The following PDE5A variants were observed in gnomAD, a reference collection of about 807,000 sequenced individuals.
PDE5A encodes phosphodiesterase 5A, also known as cGMP-specific 3',5'-cyclic phosphodiesterase.
PDE5A carries 67 observed loss-of-function variants against 110.2 expected under a neutral mutation model. The ratio of observed to expected loss-of-function variants is 0.61; its 90% CI spans 0.50 to 0.75. The LOEUF is 0.75. Ranked by LOEUF, PDE5A falls within the 30% of genes least tolerant of loss-of-function variation. PDE5A has a pLI of 0.00. For synonymous variants in PDE5A, 328 were observed against 351.2 expected, an observed-to-expected ratio of 0.93 and a Z score of 0.74; for missense variants, 862 against 1,045.1, an observed-to-expected ratio of 0.82 and a Z score of 2.42.
chr4:119,504,459 G>A, intron 18 of PDE5A, 77 bp downstream of exon 18: 1 of 1,063,482 alleles, frequency 9.4e-7, no homozygotes. Flanking sequence ...TCTTTAGGTA[G>A]ATACCTAGTA....
intron 14 of PDE5A, among the ~76,000 whole-genome samples, chr4:119,513,591 T>C (rs1725819273): frequency 6.6e-6 from 1 of 152,144 alleles, no homozygotes; most frequent in East Asian, 1.9e-4. Context: ...TCTTTTTGCT[T>C]TCTAGACAAT....
chr4:119,510,204 C>T (rs1381848012), intron 15 of PDE5A, among the ~76,000 whole-genome samples: 2 of 151,964 alleles, frequency 1.3e-5, no homozygotes, highest in Non-Finnish European at 2.9e-5. Flanking sequence ...GAACTCTATA[C>T]TATATGTTGG....
Position 119,562,845 on chromosome 4 carries a change from A to G in PDE5A, c.1119T>C (p.Asp373=), listed in dbSNP as rs934565840. Residue 373 remains aspartate, a synonymous_variant, in exon 6 of 21, where the codon GAT becomes GAC. Coordinates refer to ENST00000354960, the MANE Select transcript of PDE5A (RefSeq NM_001083.4). ...ACTCTGTACTCACGGAGCAATCTTC[A>G]TCCACTATGAAAATGGTGCATTTCT... ...QVQKCTIFIV[D]EDCSDSFSSV... is the part of the protein sequence containing the mutation. 5.1e-6 allele frequency: 8 copies of G among 1,574,564 alleles called. No individual in the cohort carries two copies. In the Admixed American group the frequency reaches 6.0e-5, roughly 12 times the overall value.
intron 1 of PDE5A, among the ~76,000 whole-genome samples, chr4:119,608,932 C>T (rs1237514483): frequency 7.9e-5 from 12 of 151,928 alleles, no homozygotes; most frequent in Admixed American, 2.0e-4. Flanking sequence ...GAGGCCGAGG[C>T]GGGCGGATCA....
intron 7 of PDE5A, among the ~76,000 whole-genome samples, chr4:119,556,770 G>GA (rs780180663): frequency 1.3e-5 from 2 of 151,986 alleles, no homozygotes; most frequent in East Asian, 1.9e-4. Flanking sequence ...TTCCAGGCAG[G>GA]AAAAAACAAA....
chr4:119,538,696 A>G, intron 11 of PDE5A: 2 of 362,202 alleles, frequency 5.5e-6, no homozygotes, highest in Non-Finnish European at 1.0e-5. Flanking sequence ...AGGAACTAAA[A>G]GAAAAGTAAA....
In PDE5A at chr4:119,502,624, T is replaced by C. The variant is rs752659273; in HGVS notation, c.2363A>G (p.Asp788Gly). Reference sequence around the variant, plus strand: ...TTCTTTTCTCTCTCTGTCTCCTTGATCAAAAAATTCAGTTGCTACAAGTTC... The same window carrying C: ...TTCTTTTCTCTCTCTGTCTCCTTGACCAAAAAATTCAGTTGCTACAAGTTC... ...IAELVATEFF[D>G]QGDRERKELN... The change falls in exon 19 of 21, where the codon GAT (aspartate) becomes GGT (glycine). Residue 788 changes from aspartate to glycine, a missense_variant. By Grantham distance (94) the Asp-to-Gly change is moderately conservative. Transcript: ENST00000354960. 19 of 1,607,806 alleles carry C rather than the reference T, an allele frequency of 1.2e-5. No individual in the cohort carries two copies. In the African/African-American group the frequency reaches 2.1e-4, roughly 18 times the overall value.
At chr4:119,578,727 T>C (rs963167194) in intron 3 of PDE5A, among the ~76,000 whole-genome samples, 84 of 152,218 alleles carry the variant, frequency 5.5e-4, no homozygotes, top group African/African-American at 2.0e-3. Flanking sequence ...CCTAAAACCA[T>C]AAAAACCCTA....
chr4:119,570,967 G>A (rs1490263764), intron 3 of PDE5A, among the ~76,000 whole-genome samples: 1 of 152,076 alleles, frequency 6.6e-6, no homozygotes, highest in East Asian at 1.9e-4. Context: ...TATTCATTCT[G>A]CCATAAATAC....
intron 3 of PDE5A, among the ~76,000 whole-genome samples, chr4:119,584,724 T>G (rs1261143390): frequency 6.6e-6 from 1 of 152,212 alleles, no homozygotes; most frequent in East Asian, 1.9e-4. Context: ...AAGGCTCTGC[T>G]TGATCTTGCC....
Position 119,552,534 on chromosome 4 carries a change from A to T in PDE5A, c.1396+16T>A. On this transcript the variant is annotated intron_variant, in intron 9 of 20. Coordinates refer to ENST00000354960, the MANE Select transcript of PDE5A (RefSeq NM_001083.4). ...TAAAAATAAGTTTAGAGTATAGGTTAAAGGAAAGGTTTTACCTATAACTTT... is the reference window on the plus strand; with the variant it reads ...TAAAAATAAGTTTAGAGTATAGGTTTAAGGAAAGGTTTTACCTATAACTTT... 8.7e-7 allele frequency: 1 copy of T among 1,150,134 alleles called. No homozygotes were observed. Among genetic ancestry groups the T allele is most frequent in the Non-Finnish European group, 1.2e-6 (1 of 830,840 alleles). The allele number at this position is 1,150,134 out of a possible 1,614,324, so 71.2% of individuals were successfully genotyped here. A position where few individuals can be genotyped will look rare whatever the true frequency, so the allele number is the denominator to read the frequency against.
chr4:119,554,256 T>A (rs1182609095), intron 7 of PDE5A, among the ~76,000 whole-genome samples: 5 of 152,182 alleles, frequency 3.3e-5, no homozygotes, highest in African/African-American at 1.2e-4. Flanking sequence ...TGTCTTTTTG[T>A]CGTGTCTTCC....
chr4:119,539,633 G>A (rs1726855504), intron 10 of PDE5A, among the ~76,000 whole-genome samples: 1 of 152,074 alleles, frequency 6.6e-6, no homozygotes, highest in South Asian at 2.1e-4. Context: ...TGGGGACACT[G>A]AGCCTCAGGG....
intron 18 of PDE5A, among the ~76,000 whole-genome samples, chr4:119,503,951 A>G (rs563267855): frequency 7.3e-6 from 1 of 137,496 alleles, no homozygotes; most frequent in Non-Finnish European, 1.6e-5. Context: ...ACTTAAAAAA[A>G]TTTTTTTTAT....
chr4:119,528,113 G>A (rs1470324473), intron 11 of PDE5A, among the ~76,000 whole-genome samples: 1 of 151,906 alleles, frequency 6.6e-6, no homozygotes, highest in Non-Finnish European at 1.5e-5. Context: ...CAAACAATTT[G>A]ATGGTATATG....
chr4:119,614,712 A>G (rs994789888), intron 1 of PDE5A, among the ~76,000 whole-genome samples: 1 of 152,180 alleles, frequency 6.6e-6, no homozygotes, highest in African/African-American at 2.4e-5. Flanking sequence ...TTGCATAGGG[A>G]CAAAACAAAC....
chr4:119,612,465 TCAC>T (rs1729790776), intron 1 of PDE5A, among the ~76,000 whole-genome samples: 1 of 152,204 alleles, frequency 6.6e-6, no homozygotes, highest in South Asian at 2.1e-4. Context: ...GGTTTCCACT[TCAC>T]TTTCCATATG....
intron 2 of PDE5A, among the ~76,000 whole-genome samples, chr4:119,600,524 A>G (rs1445202460): frequency 2.0e-5 from 3 of 152,160 alleles, no homozygotes; most frequent in Non-Finnish European, 4.4e-5. Context: ...TTCTAGGGCT[A>G]GGGCACGGAA....
chr4:119,627,929 G>T lies in PDE5A; in HGVS notation c.152+591C>A. ...TGGCGGCACAGCCTTCGGCGGAAAAGCGAGTGAAAGGAGGCGCGCGGGACA... is the reference window on the plus strand; with the variant it reads ...TGGCGGCACAGCCTTCGGCGGAAAATCGAGTGAAAGGAGGCGCGCGGGACA... On this transcript the variant is annotated intron_variant, in intron 1 of 20. Coordinates refer to ENST00000354960, the MANE Select transcript of PDE5A (RefSeq NM_001083.4). This position sits in a 1 kb window ranked among gnomAD's most constrained non-coding sequence, Gnocchi z 4.6. 2.2e-6 allele frequency: 1 copy of T among 456,472 alleles called. No homozygotes were observed. The highest frequency in any genetic ancestry group is 2.9e-6 in the Non-Finnish European group (1 of 346,258). 28.3% of individuals were successfully genotyped at this position (456,472 alleles called of 1,614,324 possible). A position where few individuals can be genotyped will look rare whatever the true frequency, so the allele number is the denominator to read the frequency against.
Sources: gnomAD v4.1 joint callset for allele counts (sites outside exome capture counted in the v4.1 genomes callset) on GRCh38, gnomAD v4.1.1 for gene constraint, Gnocchi (gnomAD v3.1) non-coding constraint, MANE v1.5 for transcripts, NCBI Gene and HGNC (gene_info 2026-07-23, HGNC 2026-07-21) for gene names.